Variants in CENATAC observed in about 807,000 individuals in gnomAD.
CENATAC encodes centrosomal AT-AC splicing factor, also known as coiled-coil domain containing 84.
CENATAC carries 53 observed loss-of-function variants against 53.7 expected under a neutral mutation model. The observed-to-expected ratio is 0.99, with a 90% CI of 0.79 to 1.24. CENATAC has a LOEUF of 1.24. CENATAC is among the 50% of genes most tolerant of loss of function. The pLI is 0.00. For synonymous variants in CENATAC, 156 were observed against 144.6 expected, an observed-to-expected ratio of 1.08 and a Z score of -0.57; for missense variants, 474 against 417.8, an observed-to-expected ratio of 1.13 and a Z score of -1.17.
At chr11:119,005,936 CTTTT>C (rs1243577042) in intron 3 of CENATAC, 5 of 122,632 alleles carry the variant, frequency 4.1e-5, no homozygotes, top group Non-Finnish European at 6.8e-5. Context: ...ATTTGAGATG[CTTTT>C]TTTTTTTTTT....
At chr11:119,012,113 A>G in intron 6 of CENATAC, 36 bp from the exon 7 acceptor site, 1 of 1,614,126 alleles carries the variant, frequency 6.2e-7, no homozygotes, top group South Asian at 1.1e-5. Context: ...TCATGGCTCA[A>G]GGACCTCATC....
chr11:119,002,224 C>CAAAAAA (rs782664366), intron 3 of CENATAC, among the ~76,000 whole-genome samples: 45 of 49,472 alleles, frequency 9.1e-4, no homozygotes, highest in Non-Finnish European at 1.2e-3. Context: ...AACTCTGTCT[C>CAAAAAA]AAAAAAAAAA....
chr11:119,000,709 A>T (rs536736216), intron 3 of CENATAC, among the ~76,000 whole-genome samples: 62 of 152,002 alleles, frequency 4.1e-4, no homozygotes, highest in Non-Finnish European at 6.9e-4. Flanking sequence ...GTGAGCCGAG[A>T]TCGCACCACT....
intron 3 of CENATAC, among the ~76,000 whole-genome samples, chr11:119,004,282 C>T (rs1262001946): frequency 6.6e-6 from 1 of 151,798 alleles, no homozygotes; most frequent in Admixed American, 6.6e-5. Context: ...GAGTCTTGCT[C>T]TGTTGCCCAG....
At chr11:119,008,332 A>T (rs1017170217) in intron 3 of CENATAC, among the ~76,000 whole-genome samples, 80 of 152,252 alleles carry the variant, frequency 5.3e-4, no homozygotes, top group Non-Finnish European at 1.6e-4. Flanking sequence ...GTAGGACAGC[A>T]GGGTGATAAT....
intron 3 of CENATAC, among the ~76,000 whole-genome samples, chr11:119,006,389 A>G (rs1322660700): frequency 6.6e-6 from 1 of 151,820 alleles, no homozygotes; most frequent in African/African-American, 2.4e-5. Context: ...GGCGCCCGCC[A>G]CCATGCCTGG....
In CENATAC at chr11:119,013,195, CTT is replaced by C. The variant is rs781905713; in HGVS notation, c.685-35_685-34del. On this transcript the variant is annotated intron_variant, in intron 7 of 10. Transcript: ENST00000334418. ...ATTTTTTTTTTTAATCATGCCTAGA[CTT>C]TAACTAGCACTTTTTTTCCCATTTC... is the stretch of plus-strand genomic sequence containing the variant. The C allele has an allele frequency of 1.2e-5, 19 of 1,554,664 alleles. No homozygotes were observed. In the African/African-American group the frequency reaches 2.5e-4, roughly 20 times the overall value.
At chr11:119,013,141 T>C in intron 7 of CENATAC, 91 bp from the exon 8 acceptor site, 3 of 971,614 alleles carry the variant, frequency 3.1e-6, no homozygotes, top group South Asian at 2.9e-5. Context: ...CCACCTCTTT[T>C]AAAGTGTGCT....
At position 119,011,205 on chromosome 11, in the gene CENATAC, A is replaced by T; in HGVS notation, c.451-16A>T. On this transcript the variant is annotated splice_polypyrimidine_tract_variant and intron_variant, in intron 4 of 10. Coordinates refer to ENST00000334418, the MANE Select transcript of CENATAC (RefSeq NM_198489.3). Reference sequence around the variant, plus strand: ...CCCATGATCCTGTACCTGTCTAAGCAGCCTCTCTCCCACAGATGGCAGCTC... The same window carrying T: ...CCCATGATCCTGTACCTGTCTAAGCTGCCTCTCTCCCACAGATGGCAGCTC... 1.2e-6 allele frequency: 2 copies of T among 1,611,884 alleles called. No individual in the cohort carries two copies. The highest frequency in any genetic ancestry group is 1.7e-6 in the Non-Finnish European group (2 of 1,178,182).
In CENATAC at chr11:119,003,518, G is replaced by A. The variant is rs150610653; in HGVS notation, c.383+4409G>A. On this transcript the variant is annotated intron_variant, in intron 3 of 10. Coordinates refer to ENST00000334418, the MANE Select transcript of CENATAC (RefSeq NM_198489.3). ...TCACCATGTTGGCCAAACTGGTCTC[G>A]AACTCCTGACCTCAAATGATCTACC... is the stretch of plus-strand genomic sequence containing the variant. 480 of 381,220 alleles carry A rather than the reference G, an allele frequency of 1.3e-3. 7 individuals are homozygous for A. The Middle Eastern group carries it at 0.015, about 12-fold the overall frequency. The allele number at this position is 381,220 out of a possible 1,614,324, so 23.6% of individuals were successfully genotyped here.
At chr11:119,010,021 C>T (rs1410940179) in intron 3 of CENATAC, 1 of 152,226 alleles carries the variant, frequency 6.6e-6, no homozygotes, top group East Asian at 1.9e-4. Flanking sequence ...TGGTGCTGTC[C>T]TGTAGTCCTA....
At chr11:119,003,488 G>C (rs998947257) in intron 3 of CENATAC, 1 of 425,920 alleles carries the variant, frequency 2.3e-6, no homozygotes, top group Non-Finnish European at 4.5e-6. Context: ...CGTAGAGATA[G>C]GGTGTCACCA....
chr11:119,006,075 A>ATTTTTTTTTTT (rs564551696), intron 3 of CENATAC: 3 of 58,510 alleles, frequency 5.1e-5, no homozygotes, highest in African/African-American at 2.2e-4. Context: ...AGTAGGCAGG[A>ATTTTTTTTTTT]TTTTTTTTTT....
At chr11:119,007,344 C>T (rs1036985965) in intron 3 of CENATAC, among the ~76,000 whole-genome samples, 6 of 151,976 alleles carry the variant, frequency 3.9e-5, no homozygotes, top group South Asian at 4.2e-4. Context: ...CCACCACGCC[C>T]GGCTCATTTT....
At chr11:119,012,329 C>T in intron 7 of CENATAC, 75 bp downstream of exon 7, 2 of 1,509,492 alleles carry the variant, frequency 1.3e-6, no homozygotes, top group Non-Finnish European at 1.8e-6. Context: ...TGATTTTCTA[C>T]CTATTCAAGC....
intron 4 of CENATAC, 142 bp downstream of exon 4, chr11:119,010,972 A>T (rs1010202535): frequency 2.7e-6 from 2 of 744,512 alleles, no homozygotes; most frequent in African/African-American, 1.8e-5. Context: ...CTAGATTCTC[A>T]TAAGGAGCAC....
chr11:119,002,970 A>T (rs1942387375), intron 3 of CENATAC: 1 of 458,564 alleles, frequency 2.2e-6, no homozygotes, highest in African/African-American at 2.0e-5. Flanking sequence ...TTTAATGGTG[A>T]AAAGATATAC....
intron 9 of CENATAC, 25 bp from the exon 10 acceptor site, chr11:119,015,282 T>C (rs781862334): frequency 2.5e-6 from 4 of 1,583,848 alleles, no homozygotes; most frequent in Admixed American, 3.8e-5. Context: ...TAAAGAAAAA[T>C]AAAAGTTTCC....
chr11:118,998,625 C>T, intron 2 of CENATAC, 32 bp downstream of exon 2: 1 of 1,549,588 alleles, frequency 6.5e-7, no homozygotes, highest in Admixed American at 2.0e-5. Context: ...TGCTCCAGCA[C>T]AGACGCATAC....
Sources: gnomAD v4.1 joint callset for allele counts (sites outside exome capture counted in the v4.1 genomes callset) on GRCh38, gnomAD v4.1.1 for gene constraint, MANE v1.5 for transcripts, NCBI Gene and HGNC (gene_info 2026-07-23, HGNC 2026-07-21) for gene names.